The following RCHY1 variants were observed in gnomAD, a reference collection of about 807,000 sequenced individuals.
RCHY1 encodes the protein RING finger and CHY zinc finger domain-containing protein 1.
A neutral mutation model predicts 41.6 loss-of-function variants in RCHY1; 21 were observed. The ratio of observed to expected loss-of-function variants is 0.51; its 90% CI spans 0.36 to 0.73. The LOEUF is 0.73. Ranked by LOEUF, RCHY1 falls within the 30% of genes least tolerant of loss-of-function variation. RCHY1 has a pLI of 0.00. For missense variants in RCHY1, 265 were observed against 325.3 expected, an observed-to-expected ratio of 0.81 and a Z score of 1.43; for synonymous variants, 79 against 102.9, an observed-to-expected ratio of 0.77 and a Z score of 1.41.
chr4:75,502,917 T>G (rs182952622), intron 3 of RCHY1, among the ~76,000 whole-genome samples: 41 of 152,304 alleles, frequency 2.7e-4, no homozygotes, highest in African/African-American at 9.1e-4. Flanking sequence ...CGCAGATACC[T>G]TCTTTGTAGT....
chr4:75,511,484 GCTGTTC>G (rs1347215667), intron 1 of RCHY1, among the ~76,000 whole-genome samples: 1 of 151,994 alleles, frequency 6.6e-6, no homozygotes, highest in Non-Finnish European at 1.5e-5. Flanking sequence ...AGTAAAAAAT[GCTGTTC>G]CATGAAAAAA....
chr4:75,485,178 A>G (rs1452347888), intron 8 of RCHY1, among the ~76,000 whole-genome samples: 1 of 152,238 alleles, frequency 6.6e-6, no homozygotes, highest in African/African-American at 2.4e-5. Flanking sequence ...GTGCCCAGGC[A>G]TGGACATGGA....
chr4:75,508,334 T>C (rs1177289010), intron 3 of RCHY1, among the ~76,000 whole-genome samples: 1 of 152,120 alleles, frequency 6.6e-6, no homozygotes, highest in Non-Finnish European at 1.5e-5. Context: ...AAATAATTCC[T>C]TATACACCGA....
intron 3 of RCHY1, among the ~76,000 whole-genome samples, chr4:75,499,833 G>A (rs1236070701): frequency 3.3e-5 from 5 of 152,230 alleles, no homozygotes; most frequent in Non-Finnish European, 7.3e-5. Flanking sequence ...TATACACTTA[G>A]AAGAAATAAG....
In RCHY1 at chr4:75,481,151, CAAG is replaced by C. The variant is rs1294804276; in HGVS notation, c.*1384_*1386del. On this transcript the variant is annotated 3_prime_UTR_variant, in exon 9 of 9. Coordinates refer to ENST00000324439, the MANE Select transcript of RCHY1 (RefSeq NM_015436.4). Reference sequence around the variant, plus strand: ...CATAAGAAGAGTGGAATACAGAAGACAAGAAGGTGGGATAAAATAAAGATCTGA... The same window carrying C: ...CATAAGAAGAGTGGAATACAGAAGACAAGGTGGGATAAAATAAAGATCTGA... 5.3e-5 allele frequency: 8 copies of C among 152,196 alleles called. No individual in the cohort carries two copies. Among genetic ancestry groups the C allele is most frequent in the African/African-American group, 1.9e-4 (8 of 41,512 alleles). 9.4% of individuals were successfully genotyped at this position (152,196 alleles called of 1,614,324 possible). A position where few individuals can be genotyped will look rare whatever the true frequency, so the allele number is the denominator to read the frequency against.
At chr4:75,482,861 G>T in intron 8 of RCHY1, among the ~76,000 whole-genome samples, 195 bp from the exon 9 acceptor site, 1 of 149,406 alleles carries the variant, frequency 6.7e-6, no homozygotes, top group Non-Finnish European at 1.5e-5. Context: ...TCTGAATTCA[G>T]AAAATGAAAA....
intron 3 of RCHY1, among the ~76,000 whole-genome samples, chr4:75,505,802 G>A (rs1039742954): frequency 1.3e-5 from 2 of 152,172 alleles, no homozygotes; most frequent in African/African-American, 4.8e-5. Flanking sequence ...CTGAGTGCTT[G>A]AAGGGCAAAG....
upstream of RCHY1, chr4:75,514,431 A>T: frequency 1.1e-6 from 1 of 932,842 alleles, no homozygotes; most frequent in East Asian, 2.7e-5. Flanking sequence ...CCCGGGGCAG[A>T]CGGATTTCCG....
Position 75,514,281 on chromosome 4 carries a change from C to T in RCHY1, c.6G>A (p.Ala2=). The change falls in exon 1 of 9, where the codon GCG becomes GCA. Residue 2 remains alanine (A), a synonymous_variant. Transcript: ENST00000324439. M[A]ATAREDGASG... ...TGGCGCCATCTTCCCGGGCCGTCGC[C>T]GCCATCTCCTCCACCTCCCCTCACA... 1 of 1,612,362 alleles carries T rather than the reference C, an allele frequency of 6.2e-7. No homozygotes were observed. Among genetic ancestry groups the T allele is most frequent in the Non-Finnish European group, 8.5e-7 (1 of 1,178,632 alleles).
chr4:75,494,784 A>G (rs199697353), intron 3 of RCHY1, among the ~76,000 whole-genome samples: 1 of 55,612 alleles, frequency 1.8e-5, no homozygotes, highest in African/African-American at 7.2e-5. Flanking sequence ...CTCCAAATAG[A>G]CAGTACCAAT....
intron 1 of RCHY1, among the ~76,000 whole-genome samples, chr4:75,513,342 C>A (rs1438813354): frequency 6.6e-6 from 1 of 152,162 alleles, no homozygotes; most frequent in East Asian, 1.9e-4. Context: ...ATTTACTACT[C>A]ATTTACTTCA....
intron 3 of RCHY1, among the ~76,000 whole-genome samples, chr4:75,504,019 G>A (rs541747412): frequency 1.3e-5 from 2 of 152,246 alleles, no homozygotes; most frequent in South Asian, 4.1e-4. Context: ...ACCAAATTAC[G>A]ACTCTCAAAG....
At chr4:75,487,485 C>CATAATATATATATATTCATAAT (rs1553917479) in intron 8 of RCHY1, among the ~76,000 whole-genome samples, 2 of 89,296 alleles carry the variant, frequency 2.2e-5, no homozygotes, top group Admixed American at 2.5e-4. Flanking sequence ...TATATATAGT[C>CATAATATATATATATTCATAAT]ATATATATTC....
intron 8 of RCHY1, among the ~76,000 whole-genome samples, chr4:75,485,933 T>G (rs1375120213): frequency 6.6e-6 from 1 of 152,200 alleles, no homozygotes; most frequent in East Asian, 1.9e-4. Context: ...AATTCAACAC[T>G]TGCTTGATTT....
chr4:75,501,282 T>G (rs1460248026), intron 3 of RCHY1, among the ~76,000 whole-genome samples: 1 of 152,268 alleles, frequency 6.6e-6, no homozygotes. Context: ...GTGCTAGGAT[T>G]AGAGGCGTGA....
intron 3 of RCHY1, chr4:75,494,422 G>C (rs1373420999): frequency 2.8e-5 from 11 of 391,478 alleles, no homozygotes; most frequent in Middle Eastern, 6.8e-4. Context: ...GAGAAACACA[G>C]ACACACACAC....
Position 75,514,387 on chromosome 4 carries a change from G to T in RCHY1, c.-101C>A, listed in dbSNP as rs1725340963. The T allele has an allele frequency of 2.9e-6, 4 of 1,356,434 alleles. No homozygotes were observed. The highest frequency in any genetic ancestry group is 4.0e-6 in the Non-Finnish European group (4 of 1,004,092). 84.0% of individuals were successfully genotyped at this position (1,356,434 alleles called of 1,614,324 possible). A position where few individuals can be genotyped will look rare whatever the true frequency, so the allele number is the denominator to read the frequency against. On this transcript the variant is annotated 5_prime_UTR_variant, in exon 1 of 9. Coordinates refer to ENST00000324439, the MANE Select transcript of RCHY1 (RefSeq NM_015436.4). ...TAGCACACCCCTCCCAGCCCCAGCG[G>T]CCACTAGCGACAATATGGCTCCTAA...
intron 8 of RCHY1, among the ~76,000 whole-genome samples, chr4:75,487,602 C>CATA (rs1722216294): frequency 3.1e-5 from 1 of 31,816 alleles, no homozygotes; most frequent in Admixed American, 4.5e-4. Flanking sequence ...AATATATATT[C>CATA]ATATATATTC....
At chr4:75,483,004 C>T (rs890327147) in intron 8 of RCHY1, among the ~76,000 whole-genome samples, 2 of 152,008 alleles carry the variant, frequency 1.3e-5, no homozygotes, top group East Asian at 1.9e-4. Context: ...AAAATAACAA[C>T]ATGATTTCAT....
Sources: allele counts gnomAD v4.1 joint callset (sites outside exome capture counted in the v4.1 genomes callset), GRCh38; gene constraint gnomAD v4.1.1; transcripts MANE v1.5; gene names NCBI Gene and HGNC (gene_info 2026-07-23, HGNC 2026-07-21).